The following DEPDC7 variants were observed in gnomAD, a reference collection of about 807,000 sequenced individuals.
The protein encoded by DEPDC7 is DEP domain containing 7.
In DEPDC7, 41 loss-of-function variants were observed where a neutral mutation model predicts 56.6. The ratio of observed to expected loss-of-function variants is 0.72; its 90% CI spans 0.56 to 0.94. The LOEUF (loss-of-function observed/expected upper bound fraction) is 0.94. DEPDC7 is among the 40% of genes least tolerant of loss of function. The pLI is 0.00. For synonymous variants in DEPDC7, 185 were observed against 208.8 expected (o/e 0.89, Z 0.98); for missense variants, 522 against 596.3 (o/e 0.88, Z 1.30).
chr11:33,016,757 T>C lies in DEPDC7; in HGVS notation c.73+729T>C, dbSNP rs557049470. On this transcript the variant is annotated intron_variant, in intron 1 of 8. Transcript: ENST00000241051. ...TGGTTTCTTTAAATGTTCAAACACATGAAGAGAATCGGATATCACTTCTAA... is the reference window on the plus strand; with the variant it reads ...TGGTTTCTTTAAATGTTCAAACACACGAAGAGAATCGGATATCACTTCTAA... Among the ~76,000 whole-genome samples the C allele has an allele frequency of 1.4e-3, 215 of 152,346 alleles. 1 individual carries two copies. The highest frequency in any genetic ancestry group is 3.4e-3 in the Middle Eastern group (1 of 294).
At chr11:33,024,674 G>A (rs1040466212) in intron 1 of DEPDC7, among the ~76,000 whole-genome samples, 1 of 152,254 alleles carries the variant, frequency 6.6e-6, no homozygotes, top group Admixed American at 6.5e-5. Context: ...AAGTACTTGT[G>A]TATCTAAACA....
At position 33,033,172 on chromosome 11, in the gene DEPDC7, AAAACAT is replaced by A. The variant is rs1478470358; in HGVS notation, c.1343-86_1343-81del. ...AGTGCATATTACAAAATGGGGAAGA[AAAACAT>A]AAAGACAAGAATATTGCTTGATTTT... On this transcript the variant is annotated intron_variant, in intron 8 of 8. Coordinates refer to ENST00000241051, the MANE Select transcript of DEPDC7 (RefSeq NM_001077242.2). The A allele has an allele frequency of 1.2e-5, 13 of 1,121,852 alleles. No individual in the cohort carries two copies. The African/African-American group carries it at 2.1e-4, about 18-fold the overall frequency. 69.5% of individuals were successfully genotyped at this position (1,121,852 alleles called of 1,614,324 possible). A position where few individuals can be genotyped will look rare whatever the true frequency, so the allele number is the denominator to read the frequency against.
chr11:33,032,055 G>T (rs1428373127), intron 5 of DEPDC7, among the ~76,000 whole-genome samples: 1 of 151,702 alleles, frequency 6.6e-6, no homozygotes, highest in African/African-American at 2.4e-5. Flanking sequence ...CAAATGTACT[G>T]AATTAATGAA....
At chr11:33,021,994 A>G (rs925154137) in intron 1 of DEPDC7, among the ~76,000 whole-genome samples, 62 of 152,186 alleles carry the variant, frequency 4.1e-4, no homozygotes, top group African/African-American at 1.3e-3. Flanking sequence ...CTGATCTGTA[A>G]TTAATAAGTG....
chr11:33,027,648 C>G, intron 2 of DEPDC7, 38 bp from the exon 3 acceptor site: 2 of 1,447,126 alleles, frequency 1.4e-6, no homozygotes, highest in Middle Eastern at 1.8e-4. Context: ...TTTCTGTGGG[C>G]TTAGTAAATG....
Position 33,025,944 on chromosome 11 carries a change from A to G in DEPDC7, c.359A>G (p.Lys120Arg), listed in dbSNP as rs573702016. The change falls in exon 2 of 9, where the codon AAA becomes AGA. Residue 120 changes from lysine to arginine, a missense_variant. By Grantham distance (26) the Lys-to-Arg change is conservative. Transcript: ENST00000241051. ...AVPTKVFGKD[K>R]KPTFEDSSCS... ...CCAACCAAAGTCTTTGGAAAAGACA[A>G]AAAACCTACATTTGAAGATAGTAGT... The G allele has an allele frequency of 1.2e-6, 2 of 1,614,156 alleles. No individual in the cohort carries two copies. Among genetic ancestry groups the G allele is most frequent in the East Asian group, 4.5e-5 (2 of 44,886 alleles).
intron 1 of DEPDC7, among the ~76,000 whole-genome samples, chr11:33,021,072 C>A (rs1339185893): frequency 1.3e-5 from 2 of 151,804 alleles, no homozygotes; most frequent in Admixed American, 1.3e-4. Flanking sequence ...CATGGTGAAA[C>A]CCTGTCTCTA....
At chr11:33,029,284 G>T (rs550501729) in intron 4 of DEPDC7, among the ~76,000 whole-genome samples, 1 of 151,746 alleles carries the variant, frequency 6.6e-6, no homozygotes, top group South Asian at 2.1e-4. Context: ...GATCACTTGA[G>T]GTCAGGAGTG....
chr11:33,021,857 C>A (rs547421810), intron 1 of DEPDC7, among the ~76,000 whole-genome samples: 6 of 152,256 alleles, frequency 3.9e-5, no homozygotes, highest in East Asian at 1.9e-4. Flanking sequence ...ACCTGCAGAA[C>A]CTCCTGATTT....
intron 2 of DEPDC7, chr11:33,026,317 C>A (rs930059338): frequency 2.7e-4 from 120 of 448,358 alleles, no homozygotes; most frequent in Admixed American, 2.0e-3. Context: ...TCTCATACCA[C>A]TTGGTATGAG....
At chr11:33,020,975 G>A (rs933947581) in intron 1 of DEPDC7, among the ~76,000 whole-genome samples, 1 of 152,202 alleles carries the variant, frequency 6.6e-6, no homozygotes, top group Admixed American at 6.5e-5. Flanking sequence ...CAGGCTGGGT[G>A]TGGTGGCTCA....
Position 33,016,690 on chromosome 11 carries a change from C to T in DEPDC7, c.73+662C>T, listed in dbSNP as rs1296022349. 6 of 1,085,554 alleles carry T rather than the reference C, an allele frequency of 5.5e-6. No homozygotes were observed. In the East Asian group the frequency reaches 1.2e-4, roughly 22 times the overall value. 67.2% of individuals were successfully genotyped at this position (1,085,554 alleles called of 1,614,324 possible). ...GGAGGGAAGTTGGCAAATTCTGCCA[C>T]GGGCCTAATCGTGTCTTTTGGGGGC... On this transcript the variant is annotated intron_variant, in intron 1 of 8. Coordinates refer to ENST00000241051, the MANE Select transcript of DEPDC7 (RefSeq NM_001077242.2).
At chr11:33,028,869 A>G in intron 4 of DEPDC7, 77 bp downstream of exon 4, 1 of 1,153,406 alleles carries the variant, frequency 8.7e-7, no homozygotes. Context: ...AATCTGTTCT[A>G]TTCTTTTTTC....
At position 33,032,895 on chromosome 11, in the gene DEPDC7, G is replaced by A. The variant is rs1471001404; in HGVS notation, c.1270G>A (p.Gly424Arg). ...DHQKDVFKIP[G>R]TLHKIVSVKL... ...GTCCCTTCTTTTTCTTAAGATTCCTGGAACTCTACATAAAATTGTAAGTGT... is the reference window on the plus strand; with the variant it reads ...GTCCCTTCTTTTTCTTAAGATTCCTAGAACTCTACATAAAATTGTAAGTGT... The change falls in exon 8 of 9, where the codon GGA (glycine) becomes AGA (arginine). Residue 424 changes from glycine (G) to arginine (R), a missense_variant. Coordinates refer to ENST00000241051, the MANE Select transcript of DEPDC7 (RefSeq NM_001077242.2). 2.5e-6 allele frequency: 4 copies of A among 1,601,756 alleles called. No homozygotes were observed. The highest frequency in any genetic ancestry group is 3.4e-6 in the Non-Finnish European group (4 of 1,175,202).
intron 5 of DEPDC7, 85 bp downstream of exon 5, chr11:33,031,674 C>A (rs1240243719): frequency 4.8e-6 from 5 of 1,034,868 alleles, no homozygotes; most frequent in Non-Finnish European, 7.3e-6. Flanking sequence ...CAGAATAGTA[C>A]TACTACAAGC....
chr11:33,030,914 C>T (rs1477088304), intron 4 of DEPDC7, among the ~76,000 whole-genome samples: 1 of 152,156 alleles, frequency 6.6e-6, no homozygotes, highest in Admixed American at 6.5e-5. Context: ...ATGTTTCTTC[C>T]TTTAATCTGT....
intron 1 of DEPDC7, chr11:33,016,418 C>G (rs1190365516): frequency 2.6e-6 from 4 of 1,537,842 alleles, no homozygotes; most frequent in Non-Finnish European, 2.6e-6. Flanking sequence ...TGCCCCCTGT[C>G]TCAACCACAA....
rs1161776348 is a variant in DEPDC7, at chr11:33,026,061, A to G, written c.464+12A>G. On this transcript the variant is annotated intron_variant, in intron 2 of 8. Coordinates refer to ENST00000241051, the MANE Select transcript of DEPDC7 (RefSeq NM_001077242.2). ...TATTCACCTGCCAGGTTGGTATATA[A>G]TGTTAGATTATCACGGGAATATTGG... 3.1e-6 allele frequency: 5 copies of G among 1,613,262 alleles called. No homozygotes were observed. Among genetic ancestry groups the G allele is most frequent in the Non-Finnish European group, 3.4e-6 (4 of 1,179,748 alleles).
At chr11:33,027,864 ATT>A in intron 3 of DEPDC7, 51 bp downstream of exon 3, 1 of 1,465,824 alleles carries the variant, frequency 6.8e-7, no homozygotes, top group Non-Finnish European at 9.0e-7. Context: ...CTTCAAAGTT[ATT>A]TAAAATTTTT....
Sources: allele counts gnomAD v4.1 joint callset (sites outside exome capture counted in the v4.1 genomes callset), GRCh38; gene constraint gnomAD v4.1.1; transcripts MANE v1.5; gene names NCBI Gene and HGNC (gene_info 2026-07-23, HGNC 2026-07-21).